The following DCC variants were observed in gnomAD, a reference collection of about 807,000 sequenced individuals.
The protein encoded by DCC is netrin receptor DCC.
In DCC, 58 loss-of-function variants were observed where a neutral mutation model predicts 172.5. That is an observed-to-expected ratio of 0.34 (90% CI 0.27 to 0.42). The LOEUF (loss-of-function observed/expected upper bound fraction) is 0.42. DCC is among the 10% of genes least tolerant of loss of function. DCC has a pLI of 1.00. For synonymous variants in DCC, 709 were observed against 644.5 expected, an observed-to-expected ratio of 1.10 and a Z score of -1.52; for missense variants, 1,740 against 1,791.0, an observed-to-expected ratio of 0.97 and a Z score of 0.51.
chr18:53,489,000 T>C (rs1420838380), intron 26 of DCC, among the ~76,000 whole-genome samples: 1 of 147,496 alleles, frequency 6.8e-6, no homozygotes, highest in African/African-American at 2.5e-5. Flanking sequence ...CTACTAAAAA[T>C]ACAAAAAAAA....
At chr18:53,148,008 C>G (rs1172340737) in intron 7 of DCC, among the ~76,000 whole-genome samples, 1 of 152,134 alleles carries the variant, frequency 6.6e-6, no homozygotes, top group African/African-American at 2.4e-5. Context: ...TTCCATGTAT[C>G]TTTACTTGAG....
At chr18:52,700,130 C>T (rs2036083740) in intron 1 of DCC, among the ~76,000 whole-genome samples, 1 of 152,068 alleles carries the variant, frequency 6.6e-6, no homozygotes, top group South Asian at 2.1e-4. Flanking sequence ...CGTTTGCGCT[C>T]TCTCGCTCTC....
intron 5 of DCC, among the ~76,000 whole-genome samples, chr18:52,997,064 A>G (rs1179583544): frequency 6.6e-6 from 1 of 152,118 alleles, no homozygotes; most frequent in African/African-American, 2.4e-5. Flanking sequence ...TAATTAGAAA[A>G]CAAACAAAAA....
At chr18:53,073,437 A>T (rs1599099094) in intron 7 of DCC, among the ~76,000 whole-genome samples, 2 of 152,280 alleles carry the variant, frequency 1.3e-5, no homozygotes, top group South Asian at 4.1e-4. Context: ...AGGCAGGAGA[A>T]TGGTATGAAA....
intron 2 of DCC, among the ~76,000 whole-genome samples, chr18:52,896,463 T>C (rs924075471): frequency 2.6e-5 from 4 of 152,180 alleles, no homozygotes; most frequent in Non-Finnish European, 1.5e-5. Flanking sequence ...TTATTTGCTA[T>C]CTAGTACCTT....
intron 1 of DCC, among the ~76,000 whole-genome samples, chr18:52,467,167 G>A (rs897440520): frequency 1.3e-5 from 2 of 151,984 alleles, no homozygotes; most frequent in African/African-American, 4.8e-5. Context: ...ATCTACATTA[G>A]ATATTTCTCC....
chr18:53,507,593 C>T, intron 27 of DCC, among the ~76,000 whole-genome samples: 1 of 152,144 alleles, frequency 6.6e-6, no homozygotes, highest in Non-Finnish European at 1.5e-5. Flanking sequence ...TATCAAGGCT[C>T]TTAGAGGAGA....
intron 1 of DCC, among the ~76,000 whole-genome samples, chr18:52,474,845 C>G (rs1249349773): frequency 6.6e-6 from 1 of 152,162 alleles, no homozygotes; most frequent in Non-Finnish European, 1.5e-5. Context: ...TTATGGAGGA[C>G]AGTGAAATGG....
chr18:53,476,766 T>A (rs1170590102), intron 25 of DCC, among the ~76,000 whole-genome samples: 1 of 152,166 alleles, frequency 6.6e-6, no homozygotes, highest in African/African-American at 2.4e-5. Flanking sequence ...TCATAATGTG[T>A]TATTTCTTGT....
intron 5 of DCC, chr18:52,965,122 A>G (rs2040908369): frequency 6.6e-6 from 1 of 152,192 alleles, no homozygotes. Flanking sequence ...AGTTCCTTTC[A>G]CCAGGTAAGG....
At chr18:52,640,176 C>T (rs994207711) in intron 1 of DCC, among the ~76,000 whole-genome samples, 8 of 152,118 alleles carry the variant, frequency 5.3e-5, no homozygotes, top group African/African-American at 1.4e-4. Context: ...TATGATTAAA[C>T]TCTCAGCAAA....
intron 1 of DCC, among the ~76,000 whole-genome samples, chr18:52,344,272 C>T (rs1983785865): frequency 6.6e-6 from 1 of 152,156 alleles, no homozygotes; most frequent in Admixed American, 6.6e-5. Flanking sequence ...TGCTAGAGTA[C>T]AGGATATTTG....
intron 1 of DCC, among the ~76,000 whole-genome samples, chr18:52,411,092 A>G (rs1392165178): frequency 6.6e-6 from 1 of 152,128 alleles, no homozygotes; most frequent in Non-Finnish European, 1.5e-5. Flanking sequence ...TCTACTTTTT[A>G]TCACTTTCCC....
chr18:52,775,193 G>C (rs903215029), intron 2 of DCC, among the ~76,000 whole-genome samples: 2 of 152,128 alleles, frequency 1.3e-5, no homozygotes, highest in African/African-American at 4.8e-5. Flanking sequence ...GTGTGACATG[G>C]GGAGTGGCTC....
At chr18:53,046,837 C>G (rs1166172300) in intron 5 of DCC, among the ~76,000 whole-genome samples, 3 of 151,814 alleles carry the variant, frequency 2.0e-5, no homozygotes, top group Non-Finnish European at 4.4e-5. Context: ...AAACCGAAAT[C>G]CAGGACAGTT....
intron 7 of DCC, among the ~76,000 whole-genome samples, chr18:53,121,963 T>C (rs536324284): frequency 6.6e-6 from 1 of 152,110 alleles, no homozygotes; most frequent in Non-Finnish European, 1.5e-5. Context: ...CCTGAGGCTC[T>C]ATGCAAACCC....
intron 21 of DCC, among the ~76,000 whole-genome samples, chr18:53,431,592 A>G (rs1452782346): frequency 6.6e-6 from 1 of 151,814 alleles, no homozygotes; most frequent in African/African-American, 2.4e-5. Flanking sequence ...GGTTCAAGCA[A>G]TTTTGCCTCC....
intron 14 of DCC, among the ~76,000 whole-genome samples, chr18:53,324,302 A>C (rs2057443100): frequency 6.6e-6 from 1 of 152,172 alleles, no homozygotes; most frequent in African/African-American, 2.4e-5. Context: ...AGCTTAGAAA[A>C]CTTTCATTCA....
At chr18:53,069,983 CTT>C (rs553792868) in intron 7 of DCC, among the ~76,000 whole-genome samples, 10 of 139,028 alleles carry the variant, frequency 7.2e-5, no homozygotes, top group Admixed American at 7.2e-5. Context: ...GAAGATAAAG[CTT>C]TTTTTTTTTT....
Sources: allele counts gnomAD v4.1 joint callset (sites outside exome capture counted in the v4.1 genomes callset), GRCh38; gene constraint gnomAD v4.1.1; transcripts MANE v1.5; gene names NCBI Gene and HGNC (gene_info 2026-07-23, HGNC 2026-07-21).